Variants in DNAH7 observed in about 807,000 individuals in gnomAD.
The protein encoded by DNAH7 is dynein axonemal heavy chain 7.
In DNAH7, 397 loss-of-function variants were observed where a neutral mutation model predicts 444.6. The observed-to-expected ratio is 0.89, with a 90% confidence interval of 0.82 to 0.97. DNAH7 has a LOEUF of 0.97. DNAH7 is among the 50% of genes least tolerant of loss of function. DNAH7 has a pLI of 0.00. For synonymous variants in DNAH7, 1,636 were observed against 1,624.4 expected (o/e 1.01, Z -0.17); for missense variants, 4,902 against 4,800.8 (o/e 1.02, Z -0.62).
rs374256282 is a variant in DNAH7 at position 195,888,035 on chromosome 2, T to C, written c.5406+223A>G. ...CATTTTGACATGGTTATGCGGGCCT[T>C]TGAGTTCTCTTTTTTTTAGAGAGAA... On this transcript the variant is annotated intron_variant, in intron 33 of 64. Coordinates refer to ENST00000312428, the MANE Select transcript of DNAH7 (RefSeq NM_018897.3). 2.2e-4 allele frequency among the ~76,000 whole-genome samples: 33 copies of C among 152,294 alleles called. No individual in the cohort carries two copies. The East Asian group carries it at 5.6e-3, about 26-fold the overall frequency.
At chr2:196,045,793 A>T (rs115040994) in intron 5 of DNAH7, among the ~76,000 whole-genome samples, 1 of 152,116 alleles carries the variant, frequency 6.6e-6, no homozygotes, top group Non-Finnish European at 1.5e-5. Flanking sequence ...AATAAAAATA[A>T]AGGAAGAATA....
In DNAH7 at chr2:195,960,863, A is replaced by G; in HGVS notation, c.2288T>C (p.Leu763Ser). The G allele has an allele frequency of 6.2e-7, 1 of 1,614,124 alleles. No homozygotes were observed. Among genetic ancestry groups the G allele is most frequent in the Non-Finnish European group, 8.5e-7 (1 of 1,180,012 alleles). ...YPQRKKIQDG[L>S]NPYLRLYETA... ...TTCATAAAGACGAAGATAAGGGTTC[A>G]AGCCATCTTGGATTTTTTTACGTTG... The change falls in exon 18 of 65, where the codon TTG becomes TCG. Residue 763 changes from leucine (L) to serine (S), a missense_variant. Leu to Ser is a moderately radical substitution (Grantham distance 145). Coordinates refer to ENST00000312428, the MANE Select transcript of DNAH7 (RefSeq NM_018897.3).
chr2:195,756,287 T>G lies in DNAH7; in HGVS notation c.11434-2A>C. The G allele has an allele frequency of 1.2e-6, 2 of 1,602,554 alleles. No individual in the cohort carries two copies. The highest frequency in any genetic ancestry group is 1.1e-5 in the South Asian group (1 of 89,368). On this transcript the variant is annotated splice_acceptor_variant, in intron 61 of 64. Transcript: ENST00000312428. LOFTEE classifies it high-confidence loss of function. ...ATCTGTAGACATGACTGCAAGCCCC[T>G]GAAACACATTTAACCTTGGTTAATA...
chr2:195,777,139 C>T (rs1270968325), intron 59 of DNAH7, among the ~76,000 whole-genome samples: 1 of 152,118 alleles, frequency 6.6e-6, no homozygotes, highest in Non-Finnish European at 1.5e-5. Flanking sequence ...GTTTAACTTT[C>T]AATATATGCC....
chr2:195,934,894 G>A (rs1688947568), intron 20 of DNAH7, 105 bp from the exon 21 acceptor site: 2 of 1,264,072 alleles, frequency 1.6e-6, no homozygotes, highest in Non-Finnish European at 2.2e-6. Context: ...TGCTGGGAAT[G>A]AAATGCTGTG....
In DNAH7 at chr2:195,811,038, G is replaced by T. The variant is rs1380801901; in HGVS notation, c.9762-1167C>A. Among the ~76,000 whole-genome samples, 4 of 152,256 alleles carry T rather than the reference G, an allele frequency of 2.6e-5. No homozygotes were observed. In the East Asian group the frequency reaches 5.8e-4, roughly 22 times the overall value. The stretch of plus-strand genomic sequence containing the variant: ...ATTATAAAGGTTAATCATATTATAA[G>T]TTCAGGTTCAATCACTAGTAAAAAT... On this transcript the variant is annotated intron_variant, in intron 51 of 64. Transcript: ENST00000312428.
chr2:195,784,370 C>T (rs1198816295), intron 58 of DNAH7, among the ~76,000 whole-genome samples: 3 of 152,150 alleles, frequency 2.0e-5, no homozygotes, highest in Non-Finnish European at 4.4e-5. Flanking sequence ...GCTTTTTAGA[C>T]TGTATTCTCC....
At chr2:195,921,496 G>A (rs924807946) in intron 24 of DNAH7, among the ~76,000 whole-genome samples, 1 of 152,078 alleles carries the variant, frequency 6.6e-6, no homozygotes, top group African/African-American at 2.4e-5. Context: ...ACTCAGGAAT[G>A]GAAAACCAAA....
At chr2:195,746,412 C>A (rs1245626864) in intron 63 of DNAH7, among the ~76,000 whole-genome samples, 1 of 152,148 alleles carries the variant, frequency 6.6e-6, no homozygotes, top group East Asian at 1.9e-4. Context: ...GACTTTAACA[C>A]CCCATTGTCA....
intron 12 of DNAH7, among the ~76,000 whole-genome samples, chr2:195,992,162 G>C (rs1413037815): frequency 6.6e-6 from 1 of 152,104 alleles, no homozygotes; most frequent in African/African-American, 2.4e-5. Context: ...ATAGATATGG[G>C]AAACAGGGAA....
chr2:195,838,800 G>A (rs934978265), intron 47 of DNAH7, among the ~76,000 whole-genome samples: 12 of 151,794 alleles, frequency 7.9e-5, no homozygotes, highest in African/African-American at 2.9e-4. Flanking sequence ...TAGTATATTA[G>A]AAAAAATAGA....
intron 5 of DNAH7, among the ~76,000 whole-genome samples, chr2:196,035,233 G>C (rs1354643124): frequency 6.6e-6 from 1 of 152,008 alleles, no homozygotes. Context: ...AAATCTTTGA[G>C]AATTTGTATT....
intron 50 of DNAH7, 116 bp from the exon 51 acceptor site, chr2:195,817,079 G>T: frequency 1.3e-6 from 1 of 744,414 alleles, no homozygotes; most frequent in Non-Finnish European, 2.1e-6. Context: ...ATCACTTTGT[G>T]ACAAATATCT....
intron 51 of DNAH7, 133 bp downstream of exon 51, chr2:195,816,495 A>T: frequency 1.5e-6 from 1 of 663,612 alleles, no homozygotes; most frequent in South Asian, 2.1e-5. Context: ...TTCTGATACG[A>T]TGATTAATCA....
chr2:195,936,975 TAA>T (rs1689097057), intron 19 of DNAH7, among the ~76,000 whole-genome samples, 183 bp from the exon 20 acceptor site: 1 of 152,146 alleles, frequency 6.6e-6, no homozygotes, highest in African/African-American at 2.4e-5. Flanking sequence ...TCTGATTCTG[TAA>T]AAGTCACATT....
At chr2:196,045,676 T>C (rs74264928) in intron 5 of DNAH7, among the ~76,000 whole-genome samples, 5,712 of 151,968 alleles carry the variant, frequency 0.038, 246 homozygotes, top group African/African-American at 0.099. Context: ...AGAAGGAAGA[T>C]AGAAAAAAAT....
rs754414072 is a variant in DNAH7 at position 195,771,856 on chromosome 2, T to A, written c.11237A>T (p.Asp3746Val). Reference sequence around the variant, plus strand: ...ACTAGCGACCTCATTCACTACTTCATCTGATGATTTTGCACCAGCACCTGC... The same window carrying A: ...ACTAGCGACCTCATTCACTACTTCAACTGATGATTTTGCACCAGCACCTGC... ...RSAGAGAKSS[D>V]EVVNEVASDI... Residue 3746 changes from aspartate (D) to valine (V), a missense_variant, in exon 61 of 65, where the codon GAT becomes GTT. Coordinates refer to ENST00000312428, the MANE Select transcript of DNAH7 (RefSeq NM_018897.3). 3 of 1,614,226 alleles carry A rather than the reference T, an allele frequency of 1.9e-6. No individual in the cohort carries two copies. In the East Asian group the frequency reaches 6.7e-5, roughly 36 times the overall value.
At chr2:195,982,621 C>T (rs1312551504) in intron 15 of DNAH7, among the ~76,000 whole-genome samples, 2 of 151,684 alleles carry the variant, frequency 1.3e-5, no homozygotes, top group Non-Finnish European at 3.0e-5. Flanking sequence ...AAATGTGGTA[C>T]ACAATGCAGT....
At chr2:195,795,337 G>A (rs1243840995) in intron 56 of DNAH7, among the ~76,000 whole-genome samples, 2 of 152,126 alleles carry the variant, frequency 1.3e-5, no homozygotes, top group African/African-American at 2.4e-5. Flanking sequence ...AGCCAAGATC[G>A]TGCCACTGCA....
Sources: allele counts gnomAD v4.1 joint callset (sites outside exome capture counted in the v4.1 genomes callset), GRCh38; gene constraint gnomAD v4.1.1; transcripts MANE v1.5; gene names NCBI Gene and HGNC (gene_info 2026-07-23, HGNC 2026-07-21).